The following SH2D1A variants were observed in gnomAD, a reference collection of about 807,000 sequenced individuals.
SH2D1A encodes the protein SH2 domain-containing protein 1A.
Under a neutral mutation model 10.1 loss-of-function variants are expected in SH2D1A, and 6 were observed. The ratio of observed to expected loss-of-function variants is 0.60; its 90% CI spans 0.33 to 1.18. SH2D1A has a LOEUF of 1.18. Among genes scored for constraint, SH2D1A ranks in the 50% most tolerant of loss-of-function variants. The probability of loss-of-function intolerance (pLI) is 0.04; values close to 1 mark genes in which losing one functional copy is unlikely to be tolerated. For missense variants in SH2D1A, 51 were observed against 97.6 expected (o/e 0.52, Z 2.01); for synonymous variants, 42 against 36.9 (o/e 1.14, Z -0.51).
chrX:124,369,789 T>TTTTTTG (rs201483410), intron 2 of SH2D1A, among the ~76,000 whole-genome samples: 5 of 111,260 alleles, frequency 4.5e-5, no homozygotes, highest in Admixed American at 2.9e-4. Flanking sequence ...TAGGATCTGT[T>TTTTTTG]TTTTTGTTTT....
At chrX:124,348,992 G>C (rs748297941) in intron 1 of SH2D1A, among the ~76,000 whole-genome samples, 3 of 112,526 alleles carry the variant, frequency 2.7e-5, no homozygotes, top group African/African-American at 9.7e-5. Context: ...TTATGCAAGA[G>C]AGAAGGGCAG....
In SH2D1A at chrX:124,371,445, T is replaced by A; in HGVS notation, c.*54T>A. 18 of 803,385 alleles carry A rather than the reference T, an allele frequency of 2.2e-5. No homozygotes were observed. Among genetic ancestry groups the A allele is most frequent in the Non-Finnish European group, 3.1e-5 (17 of 542,736 alleles). The allele number at this position is 803,385 out of a possible 1,213,427, so 66.2% of individuals were successfully genotyped here. A position where few individuals can be genotyped will look rare whatever the true frequency, so the allele number is the denominator to read the frequency against. ...TTCTATAATTTAAATATATGCTAAG[T>A]CTTATATATTGTAGATAATACAGTT... On this transcript the variant is annotated 3_prime_UTR_variant, in exon 4 of 4. Coordinates refer to ENST00000371139, the MANE Select transcript of SH2D1A (RefSeq NM_002351.5).
intron 1 of SH2D1A, among the ~76,000 whole-genome samples, chrX:124,363,890 CAAAAAAAAAA>C (rs1211666787): frequency 2.1e-4 from 7 of 33,279 alleles, no homozygotes; most frequent in African/African-American, 7.8e-4. Flanking sequence ...GACTCTATCT[CAAAAAAAAAA>C]AAAAAAAAAA....
rs958370440 is a variant in SH2D1A at position 124,372,795 on chromosome X, G to A, written c.*1404G>A. On this transcript the variant is annotated 3_prime_UTR_variant, in exon 4 of 4. Transcript: ENST00000371139. ...TATTCTCCATGTACTGGCAAGACCT[G>A]ATTTCTGAGCATTTAATATGGATGC... 3.0e-5 allele frequency: 5 copies of A among 164,568 alleles called. No homozygotes were observed. Among genetic ancestry groups the A allele is most frequent in the African/African-American group, 1.2e-4 (4 of 33,309 alleles). The allele number at this position is 164,568 out of a possible 1,213,427, so 13.6% of individuals were successfully genotyped here.
At chrX:124,353,932 A>G (rs1434263424) in intron 1 of SH2D1A, among the ~76,000 whole-genome samples, 14 of 112,429 alleles carry the variant, frequency 1.2e-4, no homozygotes, top group Non-Finnish European at 1.7e-4. Flanking sequence ...AGGAGCAGTG[A>G]TGAAATAAAA....
intron 1 of SH2D1A, among the ~76,000 whole-genome samples, chrX:124,348,376 C>G (rs1009331735): frequency 9.0e-6 from 1 of 110,863 alleles, no homozygotes; most frequent in Non-Finnish European, 1.9e-5. Context: ...AAAGAATGTA[C>G]AAAACAAGTC....
At chrX:124,352,562 A>G (rs2060017571) in intron 1 of SH2D1A, among the ~76,000 whole-genome samples, 1 of 111,993 alleles carries the variant, frequency 8.9e-6, no homozygotes, top group South Asian at 3.7e-4. Flanking sequence ...TTCACTTCAC[A>G]TAATGACTTC....
intron 1 of SH2D1A, among the ~76,000 whole-genome samples, chrX:124,355,888 T>G (rs1383164810): frequency 9.0e-6 from 1 of 111,494 alleles, no homozygotes; most frequent in African/African-American, 3.3e-5. Flanking sequence ...TCATTTTATT[T>G]TTTTATTTTT....
At chrX:124,367,417 CAT>C (rs1346593351) in intron 2 of SH2D1A, among the ~76,000 whole-genome samples, 3 of 111,778 alleles carry the variant, frequency 2.7e-5, no homozygotes, top group African/African-American at 6.5e-5. Flanking sequence ...TGATCTAATA[CAT>C]GTTTCCATGG....
At chrX:124,365,414 T>C (rs2060051639) in intron 1 of SH2D1A, among the ~76,000 whole-genome samples, 1 of 110,816 alleles carries the variant, frequency 9.0e-6, no homozygotes, top group East Asian at 2.8e-4. Flanking sequence ...AAAATAAGTC[T>C]ATTGTTTGTT....
intron 1 of SH2D1A, among the ~76,000 whole-genome samples, chrX:124,355,327 C>CT (rs34166553): frequency 9.0e-6 from 1 of 111,256 alleles, no homozygotes; most frequent in Non-Finnish European, 1.9e-5. Context: ...AACCTGGACA[C>CT]TTTTTTACAG....
At chrX:124,349,345 A>G (rs1030504344) in intron 1 of SH2D1A, among the ~76,000 whole-genome samples, 12 of 111,938 alleles carry the variant, frequency 1.1e-4, no homozygotes, top group Non-Finnish European at 2.1e-4. Flanking sequence ...GATAAATGTA[A>G]AAATTTCATT....
At chrX:124,364,145 A>G (rs2060047981) in intron 1 of SH2D1A, among the ~76,000 whole-genome samples, 1 of 110,353 alleles carries the variant, frequency 9.1e-6, no homozygotes, top group African/African-American at 3.3e-5. Flanking sequence ...GAATATGAAT[A>G]TCATAGGAGA....
At chrX:124,358,077 T>C (rs1365686759) in intron 1 of SH2D1A, among the ~76,000 whole-genome samples, 2 of 112,141 alleles carry the variant, frequency 1.8e-5, no homozygotes, top group Non-Finnish European at 3.8e-5. Flanking sequence ...TCCCATTCTG[T>C]AGGTTGTCTC....
chrX:124,363,957 TTACA>T (rs2147529964), intron 1 of SH2D1A, among the ~76,000 whole-genome samples: 1 of 100,458 alleles, frequency 1.0e-5, no homozygotes, highest in South Asian at 4.6e-4. Context: ...GCACAGACAA[TTACA>T]TACAGTACAC....
At chrX:124,354,946 C>A (rs2060022861) in intron 1 of SH2D1A, among the ~76,000 whole-genome samples, 1 of 111,993 alleles carries the variant, frequency 8.9e-6, no homozygotes, top group South Asian at 3.7e-4. Context: ...AAGTTTGGGC[C>A]ATTGTAAGTT....
chrX:124,350,462 C>A (rs1487613718), intron 1 of SH2D1A, among the ~76,000 whole-genome samples: 1 of 31,026 alleles, frequency 3.2e-5, no homozygotes, highest in Non-Finnish European at 5.0e-5. Flanking sequence ...ATATTATATA[C>A]TATATATAAT....
intron 1 of SH2D1A, among the ~76,000 whole-genome samples, chrX:124,350,254 A>AT (rs2060006082): frequency 2.9e-5 from 1 of 34,371 alleles, no homozygotes; most frequent in Admixed American, 5.0e-4. Context: ...TATAATATAT[A>AT]ATATATAAAT....
At chrX:124,365,045 G>A (rs2060050648) in intron 1 of SH2D1A, among the ~76,000 whole-genome samples, 1 of 110,886 alleles carries the variant, frequency 9.0e-6, no homozygotes, top group African/African-American at 3.3e-5. Context: ...ACAGTAACAT[G>A]CTGTACAGGT....
Sources: gnomAD v4.1 joint callset for allele counts (sites outside exome capture counted in the v4.1 genomes callset) on GRCh38, gnomAD v4.1.1 for gene constraint, MANE v1.5 for transcripts, NCBI Gene and HGNC (gene_info 2026-07-23, HGNC 2026-07-21) for gene names.